Variants in DLC1 observed in about 807,000 individuals in gnomAD.
The protein encoded by DLC1 is rho GTPase-activating protein 7.
DLC1 carries 54 observed loss-of-function variants against 140.3 expected under a neutral mutation model. The ratio of observed to expected loss-of-function variants is 0.38; its 90% CI spans 0.31 to 0.48. The LOEUF (loss-of-function observed/expected upper bound fraction) is 0.48, where lower values mean the gene tolerates loss of function less well. Ranked by LOEUF, DLC1 falls within the 20% of genes least tolerant of loss-of-function variation. The pLI is 0.96. For synonymous variants in DLC1, 986 were observed against 728.1 expected, an observed-to-expected ratio of 1.35 and a Z score of -5.70; for missense variants, 2,536 against 1,907.0, an observed-to-expected ratio of 1.33 and a Z score of -6.14.
intron 1 of DLC1, among the ~76,000 whole-genome samples, chr8:13,576,148 C>T (rs1488695549): frequency 6.6e-6 from 1 of 152,200 alleles, no homozygotes; most frequent in Non-Finnish European, 1.5e-5. Flanking sequence ...TGAAAAGCAG[C>T]ACCTCCTCAG....
At chr8:13,468,291 A>G (rs1800034800) in intron 2 of DLC1, among the ~76,000 whole-genome samples, 1 of 150,854 alleles carries the variant, frequency 6.6e-6, no homozygotes, top group Admixed American at 6.6e-5. Flanking sequence ...TTCATCGGTA[A>G]TAATAGTTCT....
At chr8:13,202,456 T>G (rs985248929) in intron 5 of DLC1, among the ~76,000 whole-genome samples, 1 of 152,180 alleles carries the variant, frequency 6.6e-6, no homozygotes, top group African/African-American at 2.4e-5. Flanking sequence ...CCTGGATATT[T>G]AGGCCAATGA....
At chr8:13,167,922 A>T (rs1825213539) in intron 5 of DLC1, among the ~76,000 whole-genome samples, 2 of 152,226 alleles carry the variant, frequency 1.3e-5, no homozygotes, top group Admixed American at 1.3e-4. Flanking sequence ...GCCTTCTATG[A>T]CTGACAATGT....
At chr8:13,212,217 C>T (rs535206573) in intron 5 of DLC1, among the ~76,000 whole-genome samples, 3 of 152,294 alleles carry the variant, frequency 2.0e-5, no homozygotes, top group East Asian at 1.9e-4. Context: ...TTAAAAATAT[C>T]AGGATGACCA....
At chr8:13,239,064 T>G (rs894411757) in intron 5 of DLC1, among the ~76,000 whole-genome samples, 2 of 152,192 alleles carry the variant, frequency 1.3e-5, no homozygotes, top group African/African-American at 4.8e-5. Context: ...TTTTTGTCTT[T>G]CTTGCTTTAT....
intron 5 of DLC1, among the ~76,000 whole-genome samples, chr8:13,174,531 T>C (rs1254282961): frequency 2.0e-5 from 3 of 152,176 alleles, no homozygotes; most frequent in Admixed American, 6.5e-5. Context: ...GCATCTGTTA[T>C]CTTTTTGACT....
intron 4 of DLC1, among the ~76,000 whole-genome samples, chr8:13,364,239 AG>A (rs1353561465): frequency 6.6e-6 from 1 of 151,756 alleles, no homozygotes; most frequent in African/African-American, 2.4e-5. Flanking sequence ...CTGCTTACCT[AG>A]TTTGCTCCCT....
chr8:13,465,616 T>A (rs1410215353), intron 2 of DLC1, among the ~76,000 whole-genome samples: 2 of 152,182 alleles, frequency 1.3e-5, no homozygotes, highest in Non-Finnish European at 2.9e-5. Flanking sequence ...AAGGACATTC[T>A]CATTAGTATT....
intron 1 of DLC1, among the ~76,000 whole-genome samples, chr8:13,520,439 C>T (rs1006292584): frequency 6.6e-6 from 1 of 151,714 alleles, no homozygotes; most frequent in East Asian, 2.0e-4. Context: ...CTCACGGACA[C>T]AGGGAGGGGA....
chr8:13,268,310 A>G (rs1830773795), intron 5 of DLC1, among the ~76,000 whole-genome samples: 1 of 152,214 alleles, frequency 6.6e-6, no homozygotes. Context: ...ATGATGCACT[A>G]ACTTGCCTGA....
At position 13,140,780 on chromosome 8, in the gene DLC1, G is replaced by C. The variant is rs191292404; in HGVS notation, c.1349-25123C>G. 4.0e-3 allele frequency among the ~76,000 whole-genome samples: 609 copies of C among 152,040 alleles called. 1 individual carries two copies. Among genetic ancestry groups the C allele is most frequent in the African/African-American group, 0.014 (590 of 41,466 alleles). On this transcript the variant is annotated intron_variant, in intron 5 of 17. Coordinates refer to ENST00000276297, the MANE Select transcript of DLC1 (RefSeq NM_182643.3). Reference sequence around the variant, plus strand: ...TTAAGTAGTTTTTCCTATAGGGCTTGACCCCAGAAAGGCGAAGACACAAAT... The same window carrying C: ...TTAAGTAGTTTTTCCTATAGGGCTTCACCCCAGAAAGGCGAAGACACAAAT...
chr8:13,326,166 T>C (rs1462556064), intron 4 of DLC1, among the ~76,000 whole-genome samples: 1 of 152,254 alleles, frequency 6.6e-6, no homozygotes, highest in Non-Finnish European at 1.5e-5. Flanking sequence ...TGCATGACTA[T>C]ACTGCAAGGC....
chr8:13,372,274 C>G (rs1278739583), intron 4 of DLC1, among the ~76,000 whole-genome samples: 1 of 152,042 alleles, frequency 6.6e-6, no homozygotes, highest in African/African-American at 2.4e-5. Flanking sequence ...AATCACGAGC[C>G]AAAGGTTCAA....
intron 2 of DLC1, among the ~76,000 whole-genome samples, chr8:13,432,601 T>C (rs749909185): frequency 6.6e-5 from 10 of 152,308 alleles, no homozygotes; most frequent in African/African-American, 2.4e-4. Flanking sequence ...TTTACACCCA[T>C]GGAGGCTGGA....
intron 5 of DLC1, among the ~76,000 whole-genome samples, chr8:13,236,360 A>G (rs773605201): frequency 1.6e-4 from 24 of 152,066 alleles, no homozygotes; most frequent in Non-Finnish European, 2.1e-4. Context: ...GAATAGCGCT[A>G]TTGTACTTTA....
chr8:13,470,996 A>G (rs558146700), intron 2 of DLC1, among the ~76,000 whole-genome samples: 1 of 152,310 alleles, frequency 6.6e-6, no homozygotes, highest in South Asian at 2.1e-4. Context: ...ATGCTACAAC[A>G]TGGATGAATC....
intron 5 of DLC1, among the ~76,000 whole-genome samples, chr8:13,142,813 G>T (rs1312414444): frequency 2.0e-5 from 3 of 152,164 alleles, no homozygotes; most frequent in Non-Finnish European, 2.9e-5. Flanking sequence ...ACTTTGGGAG[G>T]CCGAGGCAGG....
At chr8:13,141,678 C>T (rs76447284) in intron 5 of DLC1, among the ~76,000 whole-genome samples, 3,493 of 152,236 alleles carry the variant, frequency 0.023, 61 homozygotes, top group Non-Finnish European at 0.03. Context: ...GCATGATGGC[C>T]ATTCTAGAGC....
At chr8:13,524,543 T>A (rs773523688) in intron 1 of DLC1, among the ~76,000 whole-genome samples, 5 of 152,200 alleles carry the variant, frequency 3.3e-5, no homozygotes, top group Admixed American at 6.5e-5. Flanking sequence ...GTTTTACAAT[T>A]TGGCACATAG....
Sources: gnomAD v4.1 joint callset for allele counts (sites outside exome capture counted in the v4.1 genomes callset) on GRCh38, gnomAD v4.1.1 for gene constraint, MANE v1.5 for transcripts, NCBI Gene and HGNC (gene_info 2026-07-23, HGNC 2026-07-21) for gene names.